Variants in ZNF718 observed in about 807,000 individuals in gnomAD.
The protein encoded by ZNF718 is zinc finger protein 718.
A neutral mutation model predicts 2.6 loss-of-function variants in ZNF718; 3 were observed. That is an observed-to-expected ratio of 1.16 (90% CI 0.53 to 3.01). The LOEUF is 3.01. ZNF718 is among the 30% of genes most tolerant of loss of function. The probability of loss-of-function intolerance (pLI) is 0.03; values close to 1 mark genes in which losing one functional copy is unlikely to be tolerated. For synonymous variants in ZNF718, 135 were observed against 77.9 expected (o/e 1.73, Z -3.86); for missense variants, 468 against 230.0 (o/e 2.03, Z -6.69).
chr4:135,745 C>CATATATATATATATATAT (rs1715541455), intron 3 of ZNF718, among the ~76,000 whole-genome samples: 1 of 30,096 alleles, frequency 3.3e-5, no homozygotes, highest in African/African-American at 1.4e-4. Context: ...TATATATGTG[C>CATATATATATATATATAT]ATGATTATAT....
At chr4:190,974 G>T (rs540905916) in intron 3 of ZNF718, among the ~76,000 whole-genome samples, 1 of 152,004 alleles carries the variant, frequency 6.6e-6, no homozygotes, top group African/African-American at 2.4e-5. Flanking sequence ...AGGAGGCAGA[G>T]GTTGCAGTGA....
At chr4:154,815 A>C (rs1312160732) in intron 3 of ZNF718, among the ~76,000 whole-genome samples, 13 of 152,212 alleles carry the variant, frequency 8.5e-5, no homozygotes, top group African/African-American at 3.1e-4. Context: ...CGCATAAGTA[A>C]TGAGGAGCCA....
At chr4:184,607 C>T (rs1237541911) in intron 3 of ZNF718, among the ~76,000 whole-genome samples, 2 of 152,108 alleles carry the variant, frequency 1.3e-5, no homozygotes, top group African/African-American at 2.4e-5. Flanking sequence ...TTCTTTGTAC[C>T]TCTGGTAGAA....
chr4:162,261 G>T lies in ZNF718; in HGVS notation c.*139G>T, dbSNP rs1716925908. The T allele has an allele frequency of 5.8e-6, 3 of 515,118 alleles. No homozygotes were observed. Among genetic ancestry groups the T allele is most frequent in the East Asian group, 2.9e-5 (1 of 34,318 alleles). 31.9% of individuals were successfully genotyped at this position (515,118 alleles called of 1,614,324 possible). A position where few individuals can be genotyped will look rare whatever the true frequency, so the allele number is the denominator to read the frequency against. Reference sequence around the variant, plus strand: ...AATCTGTTCTAAACATAAGAGAAATGGTATTGGTGAGAAGCCATAAAAATA... The same window carrying T: ...AATCTGTTCTAAACATAAGAGAAATTGTATTGGTGAGAAGCCATAAAAATA... On this transcript the variant is annotated 3_prime_UTR_variant, in exon 4 of 4. Coordinates refer to ENST00000510175, the MANE Select transcript of ZNF718 (RefSeq NM_001039127.6).
In ZNF718 at chr4:132,342, GT is replaced by G. The variant is rs1475653231; in HGVS notation, c.226+842del. On this transcript the variant is annotated intron_variant, in intron 3 of 3. Transcript: ENST00000510175. Reference sequence around the variant, plus strand: ...CCATGCTCTTAAATCTAAGAATTCTGTTTTTCCTTTAGTGATCTCCCTTCAA... The same window carrying G: ...CCATGCTCTTAAATCTAAGAATTCTGTTTTCCTTTAGTGATCTCCCTTCAA... Among the ~76,000 whole-genome samples the G allele has an allele frequency of 5.8e-5, 6 of 104,032 alleles. 3 individuals carry two copies. The highest frequency in any genetic ancestry group is 1.3e-4 in the Non-Finnish European group (6 of 46,716). 68.2% of individuals were successfully genotyped at this position (104,032 alleles called of 152,430 possible). A position where few individuals can be genotyped will look rare whatever the true frequency, so the allele number is the denominator to read the frequency against.
At chr4:168,054 G>A (rs533623398), downstream of ZNF718, among the ~76,000 whole-genome samples, 5 of 152,246 alleles carry the variant, frequency 3.3e-5, no homozygotes, top group East Asian at 5.8e-4. Flanking sequence ...AGAGTTTTTA[G>A]TATGAAGGTT....
At chr4:196,743 A>G (rs1326560814) in intron 3 of ZNF718, among the ~76,000 whole-genome samples, 1 of 151,994 alleles carries the variant, frequency 6.6e-6, no homozygotes, top group African/African-American at 2.4e-5. Context: ...AGGCAGACCA[A>G]CACTCCCAAC....
At chr4:143,342 C>T (rs1553810594) in intron 3 of ZNF718, among the ~76,000 whole-genome samples, 1 of 152,168 alleles carries the variant, frequency 6.6e-6, no homozygotes, top group East Asian at 1.9e-4. Context: ...TGCCTACCAC[C>T]ACGCCTGGCT....
rs531027708 is a variant in ZNF718, at chr4:138,918, T to C, written c.226+7413T>C. On this transcript the variant is annotated intron_variant, in intron 3 of 3. Transcript: ENST00000510175. ...GTTGAGCACCCTGTCATATGGCTTT[T>C]TGTTATTTGTAGGCTCTCTTTTGAG... is the stretch of plus-strand genomic sequence containing the variant. Among the ~76,000 whole-genome samples the C allele has an allele frequency of 2.6e-5, 4 of 152,326 alleles. No homozygotes were observed. In the South Asian group the frequency reaches 8.3e-4, roughly 32 times the overall value.
At chr4:133,995 A>G (rs1376210206) in intron 3 of ZNF718, among the ~76,000 whole-genome samples, 1 of 152,188 alleles carries the variant, frequency 6.6e-6, no homozygotes, top group Non-Finnish European at 1.5e-5. Context: ...AAATAATGCT[A>G]TTTTGCTGAT....
intron 3 of ZNF718, among the ~76,000 whole-genome samples, chr4:192,664 G>A (rs1553821409): frequency 6.6e-6 from 1 of 152,178 alleles, no homozygotes; most frequent in African/African-American, 2.4e-5. Context: ...TCCTCGGGAG[G>A]GGTGCCTTCA....
At chr4:195,709 T>C (rs1293827601) in intron 3 of ZNF718, among the ~76,000 whole-genome samples, 7 of 152,138 alleles carry the variant, frequency 4.6e-5, no homozygotes, top group Non-Finnish European at 8.8e-5. Flanking sequence ...ATTGAATGCA[T>C]TTGGCCCATC....
chr4:196,287 G>T (rs1553821999), intron 3 of ZNF718, among the ~76,000 whole-genome samples: 1 of 152,174 alleles, frequency 6.6e-6, no homozygotes, highest in African/African-American at 2.4e-5. Flanking sequence ...CCTGGCAAGG[G>T]TGGTGGGGAA....
intron 3 of ZNF718, among the ~76,000 whole-genome samples, chr4:143,858 C>G (rs1715923433): frequency 1.3e-5 from 2 of 152,092 alleles, no homozygotes; most frequent in South Asian, 4.2e-4. Context: ...CCCCAATAGA[C>G]AGGGACTATG....
intron 3 of ZNF718, among the ~76,000 whole-genome samples, chr4:137,497 T>C (rs1450950792): frequency 6.6e-6 from 1 of 152,208 alleles, no homozygotes. Context: ...TCAATTCATC[T>C]ACATTGTTGA....
chr4:169,891 T>A (rs1335183192), intron 3 of ZNF718, among the ~76,000 whole-genome samples: 1 of 151,840 alleles, frequency 6.6e-6, no homozygotes, highest in Non-Finnish European at 1.5e-5. Flanking sequence ...CCTGTCATTA[T>A]GATGTTAGCT....
intron 3 of ZNF718, among the ~76,000 whole-genome samples, chr4:150,618 T>G (rs545794441): frequency 6.6e-6 from 1 of 152,232 alleles, no homozygotes; most frequent in East Asian, 1.9e-4. Context: ...TATTTTGTTG[T>G]GTATCTGTAC....
At chr4:141,070 T>C (rs3829) in intron 3 of ZNF718, among the ~76,000 whole-genome samples, 21,902 of 152,230 alleles carry the variant, frequency 0.14, 2,022 homozygotes, top group Admixed American at 0.24. Context: ...GAATTGTCCA[T>C]ATCCATTAGT....
intron 3 of ZNF718, among the ~76,000 whole-genome samples, chr4:195,552 T>G (rs564357072): frequency 3.9e-5 from 6 of 152,190 alleles, no homozygotes; most frequent in African/African-American, 1.4e-4. Context: ...GCCCTATACT[T>G]TAAGATTTTT....
Sources: allele counts gnomAD v4.1 joint callset (sites outside exome capture counted in the v4.1 genomes callset), GRCh38; gene constraint gnomAD v4.1.1; transcripts MANE v1.5; gene names NCBI Gene and HGNC (gene_info 2026-07-23, HGNC 2026-07-21).